Variants in ZFAND3 observed in about 807,000 individuals in gnomAD.
ZFAND3 encodes zinc finger AN1-type containing 3.
A neutral mutation model predicts 29.6 loss-of-function variants in ZFAND3; 10 were observed. The observed-to-expected ratio is 0.34, with a 90% CI of 0.21 to 0.57. The LOEUF is 0.57. ZFAND3 is among the 20% of genes least tolerant of loss of function. ZFAND3 has a pLI of 0.86. For synonymous variants in ZFAND3, 128 were observed against 112.6 expected (o/e 1.14, Z -0.87); for missense variants, 230 against 304.5 (o/e 0.76, Z 1.82).
chr6:37,969,101 A>G (rs746068505), intron 2 of ZFAND3, among the ~76,000 whole-genome samples: 5 of 152,204 alleles, frequency 3.3e-5, no homozygotes, highest in Non-Finnish European at 1.5e-5. Flanking sequence ...TGAATACTAC[A>G]GGCATTTGAA....
chr6:37,966,033 G>A (rs1300107832), intron 2 of ZFAND3, among the ~76,000 whole-genome samples: 1 of 152,154 alleles, frequency 6.6e-6, no homozygotes, highest in Non-Finnish European at 1.5e-5. Context: ...TAAGTGCTGG[G>A]ATTGCAGGTA....
chr6:38,051,327 G>T (rs1764021346), intron 2 of ZFAND3, among the ~76,000 whole-genome samples: 1 of 152,214 alleles, frequency 6.6e-6, no homozygotes, highest in African/African-American at 2.4e-5. Flanking sequence ...GATCTAAAAA[G>T]GGGGGTGCTA....
chr6:38,083,988 T>C (rs1230528000), intron 4 of ZFAND3, among the ~76,000 whole-genome samples: 1 of 152,190 alleles, frequency 6.6e-6, no homozygotes, highest in Non-Finnish European at 1.5e-5. Flanking sequence ...AAGATAGTTA[T>C]TATTTTTCCT....
chr6:38,121,670 C>T (rs929619517), intron 5 of ZFAND3, among the ~76,000 whole-genome samples: 8 of 152,148 alleles, frequency 5.3e-5, no homozygotes, highest in Admixed American at 4.6e-4. Context: ...TAATTAGATT[C>T]AGGCTACGAA....
chr6:37,940,670 C>T (rs1165613350), intron 2 of ZFAND3, among the ~76,000 whole-genome samples: 2 of 151,990 alleles, frequency 1.3e-5, no homozygotes, highest in African/African-American at 4.8e-5. Context: ...GGCAGAAGGC[C>T]AAGCAAGAAC....
chr6:38,078,319 A>G (rs9470761), intron 3 of ZFAND3, among the ~76,000 whole-genome samples: 1,720 of 152,320 alleles, frequency 0.011, 30 homozygotes, highest in African/African-American at 0.039. Context: ...CAAACCAGTT[A>G]CCAGAGGCTT....
At chr6:37,976,352 T>C (rs990219018) in intron 2 of ZFAND3, among the ~76,000 whole-genome samples, 1 of 151,930 alleles carries the variant, frequency 6.6e-6, no homozygotes, top group Non-Finnish European at 1.5e-5. Context: ...GAGGCCAAGG[T>C]AGGTGGGTCA....
chr6:38,019,777 T>C (rs982966555), intron 2 of ZFAND3, among the ~76,000 whole-genome samples: 3 of 152,180 alleles, frequency 2.0e-5, no homozygotes, highest in Non-Finnish European at 2.9e-5. Context: ...TGTAGTACAG[T>C]GTGGCACGAT....
chr6:37,946,497 CAT>C (rs1761904315), intron 2 of ZFAND3, among the ~76,000 whole-genome samples: 1 of 152,140 alleles, frequency 6.6e-6, no homozygotes, highest in South Asian at 2.1e-4. Context: ...TTTTTCCCCC[CAT>C]TCCTTCATGC....
chr6:37,946,050 C>G (rs1388670176), intron 2 of ZFAND3, among the ~76,000 whole-genome samples: 3 of 152,156 alleles, frequency 2.0e-5, no homozygotes, highest in Non-Finnish European at 2.9e-5. Context: ...TTTAGTGGCT[C>G]CATTGAAAGG....
At chr6:37,921,360 C>A (rs1395636694) in intron 1 of ZFAND3, among the ~76,000 whole-genome samples, 1 of 151,432 alleles carries the variant, frequency 6.6e-6, no homozygotes, top group Non-Finnish European at 1.5e-5. Flanking sequence ...GGTATACTTA[C>A]GTGCTGGTAC....
chr6:37,865,962 G>A (rs1342153880), intron 1 of ZFAND3, among the ~76,000 whole-genome samples: 1 of 152,164 alleles, frequency 6.6e-6, no homozygotes, highest in East Asian at 1.9e-4. Context: ...GTGCCCTAAT[G>A]CCATATCTCT....
intron 4 of ZFAND3, among the ~76,000 whole-genome samples, chr6:38,083,467 TTTTA>T (rs1476695668): frequency 1.3e-5 from 2 of 152,100 alleles, no homozygotes; most frequent in Non-Finnish European, 2.9e-5. Context: ...GATTTCTTTT[TTTTA>T]CTGAGGTAGA....
At chr6:38,004,534 T>TACACACACACACACACACACAC (rs56068930) in intron 2 of ZFAND3, among the ~76,000 whole-genome samples, 1 of 147,346 alleles carries the variant, frequency 6.8e-6, no homozygotes, top group Admixed American at 6.8e-5. Flanking sequence ...TAAAGCTGTC[T>TACACACACACACACACACACAC]ACACACACAC....
chr6:38,143,449 C>A (rs1333477807), intron 5 of ZFAND3, among the ~76,000 whole-genome samples: 5 of 152,250 alleles, frequency 3.3e-5, no homozygotes, highest in African/African-American at 9.6e-5. Flanking sequence ...CTTATGAGTT[C>A]TTTGCACAAG....
intron 2 of ZFAND3, among the ~76,000 whole-genome samples, chr6:37,993,184 A>G (rs1762789582): frequency 6.8e-6 from 1 of 147,762 alleles, no homozygotes; most frequent in South Asian, 2.1e-4. Context: ...TTTAATCTAG[A>G]AAAAAAAACA....
intron 2 of ZFAND3, among the ~76,000 whole-genome samples, chr6:37,948,737 C>T (rs1281036890): frequency 1.3e-5 from 2 of 152,154 alleles, no homozygotes; most frequent in Non-Finnish European, 2.9e-5. Flanking sequence ...TATGTGTTTG[C>T]TAAGGATGAC....
At chr6:38,054,982 G>C (rs1185861357) in intron 2 of ZFAND3, among the ~76,000 whole-genome samples, 3 of 152,130 alleles carry the variant, frequency 2.0e-5, no homozygotes, top group Non-Finnish European at 2.9e-5. Context: ...GGACAATGCA[G>C]CTTTAGAAAA....
intron 1 of ZFAND3, among the ~76,000 whole-genome samples, chr6:37,929,609 T>A (rs1223341883): frequency 6.6e-6 from 1 of 152,196 alleles, no homozygotes; most frequent in South Asian, 2.1e-4. Context: ...GGTAATCATG[T>A]GGTTTAAATT....
Sources: gnomAD v4.1 joint callset for allele counts (sites outside exome capture counted in the v4.1 genomes callset) on GRCh38, gnomAD v4.1.1 for gene constraint, MANE v1.5 for transcripts, NCBI Gene and HGNC (gene_info 2026-07-23, HGNC 2026-07-21) for gene names.